Variants in RAD21L1 observed in about 807,000 individuals in gnomAD.
RAD21L1 encodes the protein RAD21 cohesin complex component like 1, also known as double-strand-break repair protein rad21-like protein 1.
In RAD21L1, 47 loss-of-function variants were observed where a neutral mutation model predicts 69.0. That is an observed-to-expected ratio of 0.68 (90% CI 0.54 to 0.87). RAD21L1 has a LOEUF of 0.87. Among genes scored for constraint, RAD21L1 ranks in the 40% least tolerant of loss-of-function variants. The pLI is 0.00. For missense variants in RAD21L1, 583 were observed against 647.6 expected (o/e 0.90, Z 1.08); for synonymous variants, 177 against 205.8 (o/e 0.86, Z 1.20).
intron 6 of RAD21L1, 88 bp downstream of exon 6, chr20:1,238,302 T>C: frequency 5.1e-6 from 5 of 986,908 alleles, no homozygotes. Flanking sequence ...CAATCTAAAA[T>C]TTCAAATATG....
chr20:1,246,262 A>G lies in RAD21L1; in HGVS notation c.1358A>G (p.Asn453Ser). 22 of 1,541,096 alleles carry G rather than the reference A, an allele frequency of 1.4e-5. No homozygotes were observed. Among genetic ancestry groups the G allele is most frequent in the Non-Finnish European group, 1.9e-5 (22 of 1,142,026 alleles). Reference protein sequence around the residue: ...SLAAEESSLMNDLFAQEIEYS... With the variant: ...SLAAEESSLMSDLFAQEIEYS... ...GCTGCTGAGGAATCATCTTTAATGA[A>G]TGACTTATTTGCACAAGAAATTGAA... Residue 453 changes from asparagine (N) to serine (S), a missense_variant, in exon 12 of 14, where the codon AAT becomes AGT. Physicochemically the swap from Asn to Ser is conservative, Grantham distance 46. Transcript: ENST00000683101. The surrounding 1 kb of genome is among the most constrained non-coding windows in gnomAD (Gnocchi z 4.6).
At chr20:1,232,397 G>A (rs1001632787) in intron 4 of RAD21L1, among the ~76,000 whole-genome samples, 2 of 152,192 alleles carry the variant, frequency 1.3e-5, no homozygotes, top group African/African-American at 4.8e-5. Flanking sequence ...TACTCTAAGG[G>A]GAAAGGGAGG....
intron 7 of RAD21L1, among the ~76,000 whole-genome samples, chr20:1,239,630 C>T (rs2087566454): frequency 6.6e-6 from 1 of 152,008 alleles, no homozygotes; most frequent in Non-Finnish European, 1.5e-5. Flanking sequence ...GAGAACTCTG[C>T]CAATATATTG....
Position 1,254,402 on chromosome 20 carries a change from G to A in RAD21L1, c.1613G>A (p.Ser538Asn). 1 of 1,551,132 alleles carries A rather than the reference G, an allele frequency of 6.4e-7. No individual in the cohort carries two copies. The highest frequency in any genetic ancestry group is 8.7e-7 in the Non-Finnish European group (1 of 1,146,710). ...CAGCTGGCTATTGAGCTGAGCCAGAGTGCTCCCTATGCAGATATTATAGCT... is the reference window on the plus strand; with the variant it reads ...CAGCTGGCTATTGAGCTGAGCCAGAATGCTCCCTATGCAGATATTATAGCT... The part of the protein sequence containing the change: ...KKQLAIELSQ[S>N]APYADIIATM... The change falls in exon 14 of 14, where the codon AGT (serine) becomes AAT (asparagine). Residue 538 changes from serine to asparagine, a missense_variant. Transcript: ENST00000683101.
rs1040360712 is a variant in RAD21L1 at position 1,232,208 on chromosome 20, C to T, written c.368+589C>T. On this transcript the variant is annotated intron_variant, in intron 4 of 13. Coordinates refer to ENST00000683101, the MANE Select transcript of RAD21L1 (RefSeq NM_001384355.1). ...AGCAAGGAGGCAAGTGAGACTCTAG[C>T]GGAGTAAATGAGAGGCTGAGTGGTA... is the stretch of plus-strand genomic sequence containing the variant. Among the ~76,000 whole-genome samples, 9 of 152,108 alleles carry T rather than the reference C, an allele frequency of 5.9e-5. No homozygotes were observed. The South Asian group carries it at 1.0e-3, about 18-fold the overall frequency.
In RAD21L1 at chr20:1,254,657, T is replaced by A. The variant is rs1350736147; in HGVS notation, c.*200T>A. Among the ~76,000 whole-genome samples, 1 of 133,264 alleles carries A rather than the reference T, an allele frequency of 7.5e-6. No individual in the cohort carries two copies. Among genetic ancestry groups the A allele is most frequent in the African/African-American group, 2.9e-5 (1 of 34,154 alleles). The allele number at this position is 133,264 out of a possible 152,430, so 87.4% of individuals were successfully genotyped here. A position where few individuals can be genotyped will look rare whatever the true frequency, so the allele number is the denominator to read the frequency against. On this transcript the variant is annotated 3_prime_UTR_variant, in exon 14 of 14. Coordinates refer to ENST00000683101, the MANE Select transcript of RAD21L1 (RefSeq NM_001384355.1). The stretch of plus-strand genomic sequence containing the variant: ...TTACAAAGAAATACTTTAAATTCTG[T>A]TTTGTTTTTTTTTGTTGTTTTTTTA...
chr20:1,231,619 A>T lies in RAD21L1; in HGVS notation c.368A>T (p.Asn123Ile). Residue 123 changes from asparagine to isoleucine, a missense_variant and splice_region_variant, in exon 4 of 14, where the codon AAT (asparagine) becomes ATT (isoleucine). Physicochemically the swap from Asn to Ile is moderately radical, Grantham distance 149. Coordinates refer to ENST00000683101, the MANE Select transcript of RAD21L1 (RefSeq NM_001384355.1). ...EFHDFDTQNM[N>I]AIDVSEHFTQ... is the part of the protein sequence containing the mutation. Reference sequence around the variant, plus strand: ...CATGATTTTGACACCCAAAATATGAAGTAAAATATTTTATTTATTTTCCTT... The same window carrying T: ...CATGATTTTGACACCCAAAATATGATGTAAAATATTTTATTTATTTTCCTT... 1 of 1,336,432 alleles carries T rather than the reference A, an allele frequency of 7.5e-7. No homozygotes were observed. Among genetic ancestry groups the T allele is most frequent in the Non-Finnish European group, 1.0e-6 (1 of 962,214 alleles). 82.8% of individuals were successfully genotyped at this position (1,336,432 alleles called of 1,614,324 possible).
chr20:1,235,705 C>A (rs188971435), intron 5 of RAD21L1, among the ~76,000 whole-genome samples: 1 of 152,114 alleles, frequency 6.6e-6, no homozygotes, highest in East Asian at 1.9e-4. Context: ...AATCATATTC[C>A]CTACTCCCAA....
intron 2 of RAD21L1, among the ~76,000 whole-genome samples, chr20:1,229,621 A>G (rs2087348801): frequency 6.6e-6 from 1 of 152,226 alleles, no homozygotes; most frequent in African/African-American, 2.4e-5. Context: ...CCTGAACCCA[A>G]TTCTGACTAC....
chr20:1,245,970 G>A (rs1198687671), intron 11 of RAD21L1, among the ~76,000 whole-genome samples: 2 of 152,054 alleles, frequency 1.3e-5, no homozygotes, highest in African/African-American at 4.8e-5. Context: ...GAAAAGGATA[G>A]GAAGCAAGGA....
chr20:1,226,421 T>G (rs1568512254), intron 1 of RAD21L1: 1 of 152,344 alleles, frequency 6.6e-6, no homozygotes, highest in African/African-American at 2.4e-5. Flanking sequence ...CCCGGAACTC[T>G]GAGGAGTCGT....
In RAD21L1 at chr20:1,237,995, A is replaced by AT. The variant is rs1456072140; in HGVS notation, c.476-48dup. ...GATATCTGAATTTCCTTCTAACCCT[A>AT]TAATTCTGTGTTTCTATGAATTAGT... On this transcript the variant is annotated intron_variant, in intron 5 of 13. Transcript: ENST00000683101. The AT allele has an allele frequency of 3.8e-6, 4 of 1,050,982 alleles. No individual in the cohort carries two copies. The East Asian group carries it at 8.0e-5, about 21-fold the overall frequency. The allele number at this position is 1,050,982 out of a possible 1,614,324, so 65.1% of individuals were successfully genotyped here. A position where few individuals can be genotyped will look rare whatever the true frequency, so the allele number is the denominator to read the frequency against.
intron 4 of RAD21L1, among the ~76,000 whole-genome samples, chr20:1,232,290 A>T (rs1215007615): frequency 1.3e-5 from 2 of 152,186 alleles, no homozygotes; most frequent in Admixed American, 1.3e-4. Context: ...GTGATATACT[A>T]CAGCGGGACT....
At chr20:1,252,040 C>T (rs1307320966) in intron 13 of RAD21L1, among the ~76,000 whole-genome samples, 1 of 152,118 alleles carries the variant, frequency 6.6e-6, no homozygotes, top group Non-Finnish European at 1.5e-5. Context: ...CCAACTGGCA[C>T]CCCCATTCCC....
chr20:1,244,686 C>A (rs1010400688), intron 11 of RAD21L1, among the ~76,000 whole-genome samples: 16 of 152,098 alleles, frequency 1.1e-4, no homozygotes, highest in Non-Finnish European at 2.4e-4. Flanking sequence ...AAAAATATTA[C>A]TATTTGAAAA....
rs555860983 is a variant in RAD21L1, at chr20:1,245,714, C to T, written c.1309-499C>T. On this transcript the variant is annotated intron_variant, in intron 11 of 13. Coordinates refer to ENST00000683101, the MANE Select transcript of RAD21L1 (RefSeq NM_001384355.1). The stretch of plus-strand genomic sequence containing the variant: ...AGACAGGTTCTTCTTCCCTTTTGCC[C>T]GTGACAGCTCCAGCAGTGGTGGCAG... Among the ~76,000 whole-genome samples the T allele has an allele frequency of 4.9e-4, 75 of 152,126 alleles. 1 individual carries two copies. The highest frequency in any genetic ancestry group is 1.7e-3 in the African/African-American group (69 of 41,530).
chr20:1,229,868 A>C lies in RAD21L1; in HGVS notation c.145-12A>C. 6.5e-7 allele frequency: 1 copy of C among 1,540,192 alleles called. No individual in the cohort carries two copies. The highest frequency in any genetic ancestry group is 8.8e-7 in the Non-Finnish European group (1 of 1,138,276). On this transcript the variant is annotated splice_polypyrimidine_tract_variant and intron_variant, in intron 2 of 13. Transcript: ENST00000683101. Reference sequence around the variant, plus strand: ...ATCTTTACTCTTCTAATACTTCAAAAATTATTGAAAGGTGAAAATAGCACT... The same window carrying C: ...ATCTTTACTCTTCTAATACTTCAAACATTATTGAAAGGTGAAAATAGCACT...
At chr20:1,240,800 A>G (rs1422945162) in intron 8 of RAD21L1, among the ~76,000 whole-genome samples, 1 of 152,186 alleles carries the variant, frequency 6.6e-6, no homozygotes, top group Non-Finnish European at 1.5e-5. Context: ...CCTTCCCTGC[A>G]TAAACCAGCC....
chr20:1,228,579 A>C lies in RAD21L1; in HGVS notation c.126A>C (p.Glu42Asp). Residue 42 changes from glutamate (E) to aspartate (D), a missense_variant, in exon 2 of 14, where the codon GAA (glutamate) becomes GAC (aspartate). By Grantham distance (45) the Glu-to-Asp change is conservative. Transcript: ENST00000683101. ...AATGTAATCTAGAGATAACCATTGA[A>C]AAAATTCTTTCACCCAAGGTATGTT... ...VFECNLEITI[E>D]KILSPKVKIA... 1 of 1,543,576 alleles carries C rather than the reference A, an allele frequency of 6.5e-7. No homozygotes were observed.
Sources: gnomAD v4.1 joint callset for allele counts (sites outside exome capture counted in the v4.1 genomes callset) on GRCh38, gnomAD v4.1.1 for gene constraint, Gnocchi (gnomAD v3.1) non-coding constraint, MANE v1.5 for transcripts, NCBI Gene and HGNC (gene_info 2026-07-23, HGNC 2026-07-21) for gene names.